SLC39A11: variants seen among roughly 807,000 people sequenced by gnomAD.
SLC39A11 encodes the protein solute carrier family 39 member 11, also known as zinc transporter ZIP11.
Under a neutral mutation model 36.1 loss-of-function variants are expected in SLC39A11, and 33 were observed. The ratio of observed to expected loss-of-function variants is 0.91; its 90% CI spans 0.69 to 1.22. SLC39A11 has a LOEUF of 1.22. Among genes scored for constraint, SLC39A11 ranks in the 50% most tolerant of loss-of-function variants. SLC39A11 has a pLI of 0.00. For synonymous variants in SLC39A11, 166 were observed against 170.3 expected, an observed-to-expected ratio of 0.97 and a Z score of 0.20; for missense variants, 432 against 430.3, an observed-to-expected ratio of 1.00 and a Z score of -0.03.
intron 5 of SLC39A11, among the ~76,000 whole-genome samples, chr17:72,920,589 TCTTCCCACCCC>T (rs2083599995): frequency 6.7e-6 from 1 of 148,974 alleles, no homozygotes; most frequent in Non-Finnish European, 1.5e-5. Context: ...ACACACACCC[TCTTCCCACCCC>T]CTCTACAACT....
At chr17:72,961,759 G>A (rs545562884) in intron 4 of SLC39A11, among the ~76,000 whole-genome samples, 2 of 152,048 alleles carry the variant, frequency 1.3e-5, no homozygotes, top group South Asian at 4.2e-4. Context: ...GCTGGGGGAG[G>A]GATAATATTA....
rs118091103 is a variant in SLC39A11 at position 73,030,271 on chromosome 17, C to A, written c.306+1285G>T. Among the ~76,000 whole-genome samples the A allele has an allele frequency of 6.2e-4, 94 of 152,330 alleles. No individual in the cohort carries two copies. In the East Asian group the frequency reaches 0.018, roughly 28 times the overall value. ...GGTCCTTGGTCTGGGGGGTTGGGGA[C>A]CTCTGCTTTAAGACAGTATCACAGC... On this transcript the variant is annotated intron_variant, in intron 4 of 9. Coordinates refer to ENST00000255559, the MANE Select transcript of SLC39A11 (RefSeq NM_139177.4).
In SLC39A11 at chr17:73,088,687, T is replaced by C. The variant is rs138512978; in HGVS notation, c.78A>G (p.Ala26=). The change falls in exon 2 of 10, where the codon GCA becomes GCG. Residue 26 remains alanine (A), a synonymous_variant. Transcript: ENST00000255559. ...FFTWGMTAAG[A]ALVFVFSSGQ... is the part of the protein sequence containing the mutation. ...CACTAGAGAATACGAACACGAGAGC[T>C]GCCCCAGCTGCTGTCATCCCCCAGG... The C allele has an allele frequency of 7.9e-5, 127 of 1,612,568 alleles. 1 individual carries two copies. In the African/African-American group the frequency reaches 1.6e-3, roughly 20 times the overall value.
chr17:72,904,368 C>T (rs1300579001), intron 5 of SLC39A11, among the ~76,000 whole-genome samples: 1 of 152,222 alleles, frequency 6.6e-6, no homozygotes, highest in African/African-American at 2.4e-5. Flanking sequence ...AGGAACCCAA[C>T]ACGTTCAGTC....
intron 4 of SLC39A11, among the ~76,000 whole-genome samples, chr17:73,010,371 T>C (rs770720615): frequency 6.6e-6 from 1 of 152,108 alleles, no homozygotes; most frequent in Non-Finnish European, 1.5e-5. Context: ...GACTTGGGCT[T>C]CAAAAAGAAA....
chr17:72,706,825 T>A (rs1230996769), intron 7 of SLC39A11, among the ~76,000 whole-genome samples: 1 of 152,194 alleles, frequency 6.6e-6, no homozygotes, highest in Non-Finnish European at 1.5e-5. Flanking sequence ...AACAGCTACC[T>A]GAAGAGCCTG....
chr17:72,894,473 C>T (rs1303993787), intron 5 of SLC39A11, among the ~76,000 whole-genome samples: 2 of 139,382 alleles, frequency 1.4e-5, no homozygotes, highest in African/African-American at 2.7e-5. Context: ...ACCATCCTGG[C>T]TAACATGGTG....
At chr17:72,772,195 C>T (rs1286552223) in intron 6 of SLC39A11, among the ~76,000 whole-genome samples, 1 of 151,124 alleles carries the variant, frequency 6.6e-6, no homozygotes. Flanking sequence ...CCCTCCACCC[C>T]AGGAAGGGCA....
intron 4 of SLC39A11, among the ~76,000 whole-genome samples, chr17:73,026,233 A>AGAGAAGAGAAGAGAAGAGAAGAG (rs374840533): frequency 7.2e-4 from 108 of 150,436 alleles, no homozygotes; most frequent in South Asian, 2.1e-3. Flanking sequence ...AGAGAAGAGA[A>AGAGAAGAGAAGAGAAGAGAAGAG]AAGGGAAAAG....
At chr17:72,791,587 A>G (rs2076705779) in intron 6 of SLC39A11, among the ~76,000 whole-genome samples, 1 of 152,200 alleles carries the variant, frequency 6.6e-6, no homozygotes, top group East Asian at 1.9e-4. Context: ...TATTTCATTC[A>G]ATGCTCATGG....
chr17:72,823,309 G>A (rs1048839967), intron 6 of SLC39A11, among the ~76,000 whole-genome samples: 2 of 151,146 alleles, frequency 1.3e-5, no homozygotes, highest in African/African-American at 4.8e-5. Flanking sequence ...AGATTTTAGG[G>A]TAAATATCCA....
intron 7 of SLC39A11, among the ~76,000 whole-genome samples, chr17:72,654,968 A>G (rs1193413059): frequency 6.6e-6 from 1 of 152,098 alleles, no homozygotes; most frequent in Non-Finnish European, 1.5e-5. Context: ...CAGAAACCCC[A>G]TTCTTCCATC....
At chr17:72,908,232 C>G (rs1041794256) in intron 5 of SLC39A11, among the ~76,000 whole-genome samples, 1 of 152,216 alleles carries the variant, frequency 6.6e-6, no homozygotes, top group South Asian at 2.1e-4. Context: ...ACCAGCCAGC[C>G]TAATAAATCC....
At chr17:73,013,983 C>T (rs1023112544) in intron 4 of SLC39A11, among the ~76,000 whole-genome samples, 15 of 152,144 alleles carry the variant, frequency 9.9e-5, no homozygotes, top group Admixed American at 9.8e-4. Flanking sequence ...AGCAGTGCCC[C>T]CTGCTGTGCC....
At chr17:72,666,655 C>T (rs1039235683) in intron 7 of SLC39A11, among the ~76,000 whole-genome samples, 19 of 152,166 alleles carry the variant, frequency 1.2e-4, no homozygotes, top group Non-Finnish European at 2.6e-4. Context: ...AGCTGAACAC[C>T]AACACCACCT....
intron 7 of SLC39A11, among the ~76,000 whole-genome samples, chr17:72,679,431 C>T (rs146900920): frequency 2.6e-5 from 4 of 152,278 alleles, no homozygotes; most frequent in African/African-American, 9.6e-5. Flanking sequence ...GTGCTTGAAT[C>T]CCTGTCCTCT....
At chr17:72,940,900 G>T (rs187094105) in intron 5 of SLC39A11, among the ~76,000 whole-genome samples, 1 of 152,186 alleles carries the variant, frequency 6.6e-6, no homozygotes, top group Non-Finnish European at 1.5e-5. Flanking sequence ...CTGTAAGGGA[G>T]ATAGGATTTT....
At chr17:72,817,586 C>T (rs1184377694) in intron 6 of SLC39A11, among the ~76,000 whole-genome samples, 4 of 152,154 alleles carry the variant, frequency 2.6e-5, no homozygotes, top group Non-Finnish European at 5.9e-5. Flanking sequence ...CCATGGGAAG[C>T]GCTCAATGGA....
Position 73,088,732 on chromosome 17 carries a change from G to T in SLC39A11, c.33C>A (p.Ala11=), listed in dbSNP as rs773265844. 5.0e-6 allele frequency: 8 copies of T among 1,611,102 alleles called. No homozygotes were observed. The highest frequency in any genetic ancestry group is 3.4e-5 in the Admixed American group (2 of 59,688). ...CCCAGGTGAAGAAGGTCCCCAGCAA[G>T]GCCTGGAACACAGAGCTGTGGCCTT... MLQGHSSVFQ[A]LLGTFFTWGM... is the part of the protein sequence containing the mutation. Residue 11 remains alanine (A), a synonymous_variant, in exon 2 of 10, where the codon GCC becomes GCA. Transcript: ENST00000255559.
Sources: gnomAD v4.1 joint callset for allele counts (sites outside exome capture counted in the v4.1 genomes callset) on GRCh38, gnomAD v4.1.1 for gene constraint, MANE v1.5 for transcripts, NCBI Gene and HGNC (gene_info 2026-07-23, HGNC 2026-07-21) for gene names.